PARD3B: variants seen among roughly 807,000 people sequenced by gnomAD.
PARD3B encodes partitioning defective 3 homolog B.
In PARD3B, 103 loss-of-function variants were observed where a neutral mutation model predicts 130.2. The ratio of observed to expected loss-of-function variants is 0.79; its 90% CI spans 0.67 to 0.93. The LOEUF (loss-of-function observed/expected upper bound fraction) is 0.93. Among genes scored for constraint, PARD3B ranks in the 40% least tolerant of loss-of-function variants. The pLI, the probability that PARD3B is intolerant of heterozygous loss-of-function variation, is 0.00. For missense variants in PARD3B, 1,609 were observed against 1,499.2 expected (o/e 1.07, Z -1.21); for synonymous variants, 583 against 553.2 (o/e 1.05, Z -0.76).
chr2:204,922,582 G>A (rs1444800994), intron 2 of PARD3B, among the ~76,000 whole-genome samples: 1 of 152,076 alleles, frequency 6.6e-6, no homozygotes, highest in Admixed American at 6.6e-5. Flanking sequence ...ATTGGAAGCT[G>A]CTCATTGTTC....
intron 2 of PARD3B, among the ~76,000 whole-genome samples, chr2:204,934,833 C>G (rs984784603): frequency 2.6e-5 from 4 of 152,122 alleles, no homozygotes; most frequent in African/African-American, 9.7e-5. Flanking sequence ...AGTGGAAGGG[C>G]AAGAGACTTG....
chr2:205,040,886 G>A (rs189418650), intron 3 of PARD3B, among the ~76,000 whole-genome samples: 13 of 151,974 alleles, frequency 8.6e-5, no homozygotes, highest in South Asian at 2.1e-4. Context: ...AAGGAAAATC[G>A]AGACTCTGAA....
At chr2:204,718,182 G>A (rs2038825771) in intron 2 of PARD3B, among the ~76,000 whole-genome samples, 1 of 151,976 alleles carries the variant, frequency 6.6e-6, no homozygotes, top group Admixed American at 6.6e-5. Context: ...TTCTTTGGTC[G>A]TGGGGGATGG....
chr2:204,695,410 C>T (rs937716323), intron 2 of PARD3B, among the ~76,000 whole-genome samples: 1 of 151,992 alleles, frequency 6.6e-6, no homozygotes, highest in Non-Finnish European at 1.5e-5. Flanking sequence ...GTGTCAGTCA[C>T]CAGTACCTGT....
intron 4 of PARD3B, among the ~76,000 whole-genome samples, chr2:205,053,816 T>A (rs558071728): frequency 1.3e-4 from 20 of 150,768 alleles, no homozygotes; most frequent in Non-Finnish European, 2.2e-4. Context: ...GAGAGATGGA[T>A]GCTGAAGAGC....
chr2:204,628,586 C>T (rs1185938587), intron 1 of PARD3B, among the ~76,000 whole-genome samples: 2 of 152,076 alleles, frequency 1.3e-5, no homozygotes, highest in African/African-American at 4.8e-5. Flanking sequence ...ATATTCAAAA[C>T]CTATCAGTAA....
At chr2:205,500,075 A>G in intron 21 of PARD3B, 44 bp downstream of exon 21, 5 of 1,598,356 alleles carry the variant, frequency 3.1e-6, no homozygotes, top group Non-Finnish European at 4.3e-6. Flanking sequence ...ATCTTTTCTA[A>G]GAATGTTTAG....
chr2:205,098,376 G>A (rs372133107), intron 4 of PARD3B, among the ~76,000 whole-genome samples: 1 of 152,108 alleles, frequency 6.6e-6, no homozygotes, highest in Non-Finnish European at 1.5e-5. Flanking sequence ...GAAAAATCAT[G>A]GCCATATATG....
chr2:205,366,448 T>A lies in PARD3B; in HGVS notation c.2631-34565T>A, dbSNP rs1574821632. On this transcript the variant is annotated intron_variant, in intron 18 of 22. Transcript: ENST00000406610. The surrounding 1 kb of genome is among the most constrained non-coding windows in gnomAD (Gnocchi z 5.0). ...AGTGGTTATTACAGCAGCTTATATT[T>A]ATGAAGTGTCTTTTTCTGACGAGTT... Among the ~76,000 whole-genome samples the A allele has an allele frequency of 1.3e-5, 2 of 152,314 alleles. 1 individual carries two copies. Among genetic ancestry groups the A allele is most frequent in the African/African-American group, 4.8e-5 (2 of 41,560 alleles).
chr2:205,367,636 T>G (rs1356014855), intron 18 of PARD3B, among the ~76,000 whole-genome samples: 2 of 152,170 alleles, frequency 1.3e-5, no homozygotes, highest in Admixed American at 1.3e-4. Flanking sequence ...GGAGTATTAG[T>G]AAATGGCCAA....
At position 205,183,882 on chromosome 2, in the gene PARD3B, G is replaced by T. The variant is rs1228620535; in HGVS notation, c.1925-1882G>T. On this transcript the variant is annotated intron_variant, in intron 13 of 22. Coordinates refer to ENST00000406610, the MANE Select transcript of PARD3B (RefSeq NM_001302769.2). The surrounding 1 kb of genome is among the most constrained non-coding windows in gnomAD (Gnocchi z 5.2). ...GGGTTGCAGAAGAGTTGATGGTGCAGATTGAGTCTGAAGGCCGGAGAACCA... is the reference window on the plus strand; with the variant it reads ...GGGTTGCAGAAGAGTTGATGGTGCATATTGAGTCTGAAGGCCGGAGAACCA... Among the ~76,000 whole-genome samples, 2 of 152,056 alleles carry T rather than the reference G, an allele frequency of 1.3e-5. No individual in the cohort carries two copies. The highest frequency in any genetic ancestry group is 2.9e-5 in the Non-Finnish European group (2 of 68,010).
intron 10 of PARD3B, among the ~76,000 whole-genome samples, chr2:205,154,501 A>T (rs2033981560): frequency 6.6e-6 from 1 of 152,226 alleles, no homozygotes; most frequent in African/African-American, 2.4e-5. Flanking sequence ...TTCCTCAAGG[A>T]TCTAGAACTA....
At chr2:204,560,600 C>T (rs955629192) in intron 1 of PARD3B, among the ~76,000 whole-genome samples, 9 of 151,794 alleles carry the variant, frequency 5.9e-5, no homozygotes, top group South Asian at 2.1e-4. Flanking sequence ...GGCAGCCTAC[C>T]GCTGTTTGAA....
At chr2:204,572,688 G>A (rs1018672523) in intron 1 of PARD3B, among the ~76,000 whole-genome samples, 17 of 152,180 alleles carry the variant, frequency 1.1e-4, no homozygotes, top group South Asian at 2.1e-4. Context: ...ACTGAGCTTA[G>A]TAGGTAAATA....
chr2:204,883,455 A>ATATATATATATTTTT (rs1377428928), intron 2 of PARD3B, among the ~76,000 whole-genome samples: 4 of 77,274 alleles, frequency 5.2e-5, no homozygotes, highest in African/African-American at 2.2e-4. Flanking sequence ...ATATATATAT[A>ATATATATATATTTTT]TTTTTTTTTT....
At chr2:204,958,425 A>G (rs568053875) in intron 2 of PARD3B, among the ~76,000 whole-genome samples, 1 of 152,322 alleles carries the variant, frequency 6.6e-6, no homozygotes, top group Non-Finnish European at 1.5e-5. Context: ...TAGGCAGAAG[A>G]GTGATAGAGT....
chr2:204,624,208 T>C (rs1274695244), intron 1 of PARD3B, among the ~76,000 whole-genome samples: 1 of 152,140 alleles, frequency 6.6e-6, no homozygotes, highest in Non-Finnish European at 1.5e-5. Context: ...AGGACTTGAA[T>C]AGATATTTCT....
chr2:205,061,115 C>T (rs954529253), intron 4 of PARD3B, among the ~76,000 whole-genome samples: 2 of 151,968 alleles, frequency 1.3e-5, no homozygotes, highest in Non-Finnish European at 2.9e-5. Context: ...CCCAGAAATA[C>T]AGATAATAAA....
chr2:204,729,535 A>T (rs1404056615), intron 2 of PARD3B, among the ~76,000 whole-genome samples: 1 of 152,164 alleles, frequency 6.6e-6, no homozygotes, highest in Non-Finnish European at 1.5e-5. Context: ...TTGAAATGTG[A>T]TACCGAGCAG....
Sources: allele counts gnomAD v4.1 joint callset (sites outside exome capture counted in the v4.1 genomes callset), GRCh38; gene constraint gnomAD v4.1.1; non-coding constraint Gnocchi (gnomAD v3.1); transcripts MANE v1.5; gene names NCBI Gene and HGNC (gene_info 2026-07-23, HGNC 2026-07-21).